The following SMG6 variants were observed in gnomAD, a reference collection of about 807,000 sequenced individuals.
The protein encoded by SMG6 is telomerase-binding protein EST1A.
Under a neutral mutation model 142.2 loss-of-function variants are expected in SMG6, and 66 were observed. The ratio of observed to expected loss-of-function variants is 0.46; its 90% CI spans 0.38 to 0.57. The LOEUF (loss-of-function observed/expected upper bound fraction) is 0.57. Ranked by LOEUF, SMG6 falls within the 20% of genes least tolerant of loss-of-function variation. The probability of loss-of-function intolerance (pLI) is 0.00; values close to 1 mark genes in which losing one functional copy is unlikely to be tolerated. For missense variants in SMG6, 1,793 were observed against 1,832.0 expected, an observed-to-expected ratio of 0.98 and a Z score of 0.39; for synonymous variants, 779 against 702.4, an observed-to-expected ratio of 1.11 and a Z score of -1.72.
At chr17:2,275,319 G>A (rs1011257242) in intron 8 of SMG6, among the ~76,000 whole-genome samples, 41 of 152,210 alleles carry the variant, frequency 2.7e-4, no homozygotes, top group Non-Finnish European at 4.9e-4. Flanking sequence ...TCACTCAGGA[G>A]GCTGAGGCTG....
chr17:2,262,239 G>A (rs887076518), intron 8 of SMG6, among the ~76,000 whole-genome samples: 7 of 152,212 alleles, frequency 4.6e-5, no homozygotes, highest in African/African-American at 1.4e-4. Context: ...GCCAAGCTGG[G>A]CTTGGCTCAG....
chr17:2,059,996 A>C lies in SMG6; in HGVS notation c.*1496T>G, dbSNP rs192543221. The C allele has an allele frequency of 2.8e-3, 433 of 152,408 alleles. 1 individual carries two copies. The highest frequency in any genetic ancestry group is 3.6e-3 in the Non-Finnish European group (248 of 68,082). 9.4% of individuals were successfully genotyped at this position (152,408 alleles called of 1,614,324 possible). A position where few individuals can be genotyped will look rare whatever the true frequency, so the allele number is the denominator to read the frequency against. On this transcript the variant is annotated 3_prime_UTR_variant, in exon 19 of 19. Coordinates refer to ENST00000263073, the MANE Select transcript of SMG6 (RefSeq NM_017575.5). Reference sequence around the variant, plus strand: ...AGAGGCCGGGGACCCTGTACTCCAAAGAGCCCAGTCTTCTGAGACTCTAGG... The same window carrying C: ...AGAGGCCGGGGACCCTGTACTCCAACGAGCCCAGTCTTCTGAGACTCTAGG...
At chr17:2,236,998 A>C (rs1306042960) in intron 9 of SMG6, 1 of 233,036 alleles carries the variant, frequency 4.3e-6, no homozygotes, top group African/African-American at 2.3e-5. Context: ...ATACTCAACA[A>C]ATTTCCTGAA....
chr17:2,264,058 C>T (rs2074371560), intron 8 of SMG6, among the ~76,000 whole-genome samples: 1 of 151,168 alleles, frequency 6.6e-6, no homozygotes, highest in African/African-American at 2.4e-5. Flanking sequence ...CAGTGTGTTA[C>T]TATATAAAGT....
chr17:2,207,683 A>C (rs2072729990), intron 10 of SMG6, among the ~76,000 whole-genome samples: 1 of 152,214 alleles, frequency 6.6e-6, no homozygotes, highest in Non-Finnish European at 1.5e-5. Context: ...TGTAAAATTT[A>C]ATTTAGGCAC....
At chr17:2,251,529 G>C (rs955232404) in intron 8 of SMG6, among the ~76,000 whole-genome samples, 6 of 152,164 alleles carry the variant, frequency 3.9e-5, no homozygotes, top group African/African-American at 1.2e-4. Flanking sequence ...CTAGATCTGA[G>C]ACATGTGAAT....
chr17:2,277,181 T>C (rs1207682907), intron 8 of SMG6, among the ~76,000 whole-genome samples: 4 of 134,054 alleles, frequency 3.0e-5, no homozygotes, highest in Middle Eastern at 4.3e-3. Flanking sequence ...TATTTTTTTT[T>C]TTTTTGAGAC....
chr17:2,118,105 T>G (rs973503466), intron 13 of SMG6, among the ~76,000 whole-genome samples: 2 of 151,606 alleles, frequency 1.3e-5, no homozygotes, highest in Non-Finnish European at 2.9e-5. Context: ...TAGCCAGGTG[T>G]GGTGGTGCTT....
chr17:2,283,716 A>G lies in SMG6; in HGVS notation c.2357T>C (p.Val786Ala), dbSNP rs1567746933. ...AVYTRRKLDA[V>A]YYYMRSLAAS... ...AGCTAAACTGCGCATATAGTAATAG[A>G]CAGCGTCAAGCTTCCTCCTCTGTGG... is the stretch of plus-strand genomic sequence containing the variant. Residue 786 changes from valine (V) to alanine (A), a missense_variant, in exon 7 of 19, where the codon GTC (valine) becomes GCC (alanine). This residue lies in a region of SMG6 where 1,597 missense variants were observed against 1,584.6 expected (regional missense o/e 1.01). Transcript: ENST00000263073. 1 of 1,614,002 alleles carries G rather than the reference A, an allele frequency of 6.2e-7. No homozygotes were observed. The highest frequency in any genetic ancestry group is 1.7e-5 in the Admixed American group (1 of 60,004).
intron 8 of SMG6, among the ~76,000 whole-genome samples, chr17:2,270,850 A>C (rs2074527764): frequency 6.6e-6 from 1 of 152,224 alleles, no homozygotes; most frequent in South Asian, 2.1e-4. Context: ...CGAAATGGGC[A>C]TTTTCAGACT....
chr17:2,148,057 G>A (rs907614672), intron 13 of SMG6, among the ~76,000 whole-genome samples: 2 of 152,090 alleles, frequency 1.3e-5, no homozygotes, highest in Non-Finnish European at 2.9e-5. Flanking sequence ...TGGGTGTGGT[G>A]GTGCGCACCT....
chr17:2,195,128 A>G (rs972952707), intron 10 of SMG6, among the ~76,000 whole-genome samples: 3 of 152,242 alleles, frequency 2.0e-5, no homozygotes, highest in Admixed American at 1.3e-4. Context: ...TTGTACGAGT[A>G]CAGCTCCAGG....
chr17:2,202,010 C>T (rs897462644), intron 10 of SMG6, among the ~76,000 whole-genome samples: 2 of 150,388 alleles, frequency 1.3e-5, no homozygotes, highest in African/African-American at 2.4e-5. Context: ...GGCAAGAGAG[C>T]GAGACTCCAT....
intron 8 of SMG6, among the ~76,000 whole-genome samples, chr17:2,264,609 A>G (rs893833717): frequency 2.0e-5 from 3 of 152,200 alleles, no homozygotes; most frequent in South Asian, 2.1e-4. Context: ...GCAACATTAA[A>G]TTACTTCCTA....
At chr17:2,276,688 T>C (rs959870670) in intron 8 of SMG6, among the ~76,000 whole-genome samples, 4 of 151,790 alleles carry the variant, frequency 2.6e-5, no homozygotes, top group African/African-American at 9.7e-5. Context: ...ACCTGGCCTC[T>C]GTCCATCAAA....
At chr17:2,129,553 C>T (rs528356635) in intron 13 of SMG6, among the ~76,000 whole-genome samples, 1 of 151,752 alleles carries the variant, frequency 6.6e-6, no homozygotes, top group South Asian at 2.1e-4. Context: ...CAGCACTTCG[C>T]GAGGCTGAGA....
At chr17:2,122,398 T>C (rs1264587314) in intron 13 of SMG6, 1 of 152,222 alleles carries the variant, frequency 6.6e-6, no homozygotes, top group Non-Finnish European at 1.5e-5. Flanking sequence ...TCAATCCCTG[T>C]TGCCGTCACT....
In SMG6 at chr17:2,299,190, G is replaced by A; in HGVS notation, c.1563C>T (p.Pro521=). ...PRTPGPASQY[P]YTGYNPLQYP... Reference sequence around the variant, plus strand: ...ACTGTAGAGGGTTATAGCCCGTATAGGGATACTGGGAGGCAGGGCCTGGTG... The same window carrying A: ...ACTGTAGAGGGTTATAGCCCGTATAAGGATACTGGGAGGCAGGGCCTGGTG... Residue 521 remains proline, a synonymous_variant, in exon 2 of 19, where the codon CCC becomes CCT. Coordinates refer to ENST00000263073, the MANE Select transcript of SMG6 (RefSeq NM_017575.5). This position sits in a 1 kb window ranked among gnomAD's most constrained non-coding sequence, Gnocchi z 4.3. 3 of 1,613,490 alleles carry A rather than the reference G, an allele frequency of 1.9e-6. No homozygotes were observed. The highest frequency in any genetic ancestry group is 2.5e-6 in the Non-Finnish European group (3 of 1,179,712).
intron 4 of SMG6, among the ~76,000 whole-genome samples, chr17:2,295,907 C>G (rs1347932060): frequency 1.3e-5 from 2 of 152,148 alleles, no homozygotes; most frequent in African/African-American, 4.8e-5. Flanking sequence ...CAATCTCATC[C>G]CTCACACCAA....
Sources: gnomAD v4.1 joint callset for allele counts (sites outside exome capture counted in the v4.1 genomes callset) on GRCh38, gnomAD v4.1.1 for gene constraint, gnomAD v4.1.1 regional missense constraint, Gnocchi (gnomAD v3.1) non-coding constraint, MANE v1.5 for transcripts, NCBI Gene and HGNC (gene_info 2026-07-23, HGNC 2026-07-21) for gene names.